Variants in LRRC49 observed in about 807,000 individuals in gnomAD.
LRRC49 encodes leucine-rich repeat-containing protein 49.
In LRRC49, 50 loss-of-function variants were observed where a neutral mutation model predicts 83.3. That is an observed-to-expected ratio of 0.60 (90% CI 0.48 to 0.76). LRRC49 has a LOEUF of 0.76. Among genes scored for constraint, LRRC49 ranks in the 30% least tolerant of loss-of-function variants. The probability of loss-of-function intolerance (pLI) is 0.00; values close to 1 mark genes in which losing one functional copy is unlikely to be tolerated. For synonymous variants in LRRC49, 286 were observed against 283.3 expected, an observed-to-expected ratio of 1.01 and a Z score of -0.10; for missense variants, 704 against 809.1, an observed-to-expected ratio of 0.87 and a Z score of 1.58.
At chr15:70,900,410 A>G (rs1464741477) in intron 3 of LRRC49, 8 of 454,212 alleles carry the variant, frequency 1.8e-5, no homozygotes, top group South Asian at 1.3e-4. Flanking sequence ...ATCCAAAACT[A>G]CTTTTTGTGT....
chr15:70,891,989 G>A (rs533923378), upstream of LRRC49: 13 of 1,613,078 alleles, frequency 8.1e-6, no homozygotes, highest in Non-Finnish European at 1.0e-5. Flanking sequence ...CTTAGGTGCC[G>A]GGGCGGGCAC....
At chr15:70,891,682 A>T (rs1040174691), upstream of LRRC49, among the ~76,000 whole-genome samples, 1 of 151,754 alleles carries the variant, frequency 6.6e-6, no homozygotes, top group Non-Finnish European at 1.5e-5. Context: ...AGTGTTAATG[A>T]TAAGTGGGAC....
At chr15:70,901,085 G>C in intron 4 of LRRC49, 61 bp downstream of exon 4, 2 of 915,572 alleles carry the variant, frequency 2.2e-6, no homozygotes, top group Non-Finnish European at 3.4e-6. Flanking sequence ...CGTGGTACAA[G>C]ACTTGAAAGA....
chr15:70,988,839 C>CA (rs1466177706), intron 11 of LRRC49, among the ~76,000 whole-genome samples: 1 of 152,032 alleles, frequency 6.6e-6, no homozygotes, highest in Non-Finnish European at 1.5e-5. Flanking sequence ...CTGGTGGTGA[C>CA]AAAATCTCTC....
chr15:70,904,503 G>GACT (rs747983321), intron 4 of LRRC49, 49 bp from the exon 5 acceptor site: 1 of 1,221,740 alleles, frequency 8.2e-7, no homozygotes, highest in South Asian at 1.3e-5. Flanking sequence ...TGTAAGAAGA[G>GACT]GTAAGTGGCT....
chr15:71,039,093 T>C (rs1364804624), intron 15 of LRRC49, among the ~76,000 whole-genome samples: 1 of 152,046 alleles, frequency 6.6e-6, no homozygotes, highest in African/African-American at 2.4e-5. Flanking sequence ...AGATAAAATA[T>C]AGCTATATTA....
chr15:70,928,067 C>T (rs921004826), intron 7 of LRRC49, among the ~76,000 whole-genome samples: 3 of 152,158 alleles, frequency 2.0e-5, no homozygotes, highest in South Asian at 2.1e-4. Context: ...TTGCTTTCCC[C>T]ACTGAATTAA....
intron 15 of LRRC49, among the ~76,000 whole-genome samples, chr15:71,045,068 G>GT (rs1241358106): frequency 6.6e-6 from 1 of 151,060 alleles, no homozygotes; most frequent in Non-Finnish European, 1.5e-5. Context: ...TTTTTTTTGT[G>GT]TTTTTTTAGT....
intron 8 of LRRC49, among the ~76,000 whole-genome samples, chr15:70,956,501 CAAAA>C (rs777121049): frequency 3.6e-5 from 3 of 83,358 alleles, no homozygotes; most frequent in Non-Finnish European, 7.6e-5. Context: ...AACCCTCTGC[CAAAA>C]AAAAAAAAAA....
chr15:71,012,314 G>A (rs2038680294), intron 13 of LRRC49, among the ~76,000 whole-genome samples: 2 of 151,960 alleles, frequency 1.3e-5, no homozygotes, highest in African/African-American at 4.8e-5. Flanking sequence ...GAATGAACAG[G>A]AGCATCCTTG....
At chr15:71,005,690 TG>T (rs2038432276) in intron 11 of LRRC49, among the ~76,000 whole-genome samples, 1 of 152,162 alleles carries the variant, frequency 6.6e-6, no homozygotes, top group African/African-American at 2.4e-5. Context: ...TCAATACAGA[TG>T]ATTTAGTGGC....
chr15:70,853,969 A>C, intron 1 of LRRC49: 2 of 1,458,224 alleles, frequency 1.4e-6, no homozygotes, highest in Non-Finnish European at 1.8e-6. Flanking sequence ...CGGCGCCCCG[A>C]GTCTCCGCCC....
rs1302585053 is a variant in LRRC49, at chr15:70,984,127, C to T, written c.1039C>T (p.Arg347Ter). The T allele has an allele frequency of 4.4e-6, 7 of 1,600,686 alleles. No individual in the cohort carries two copies. The highest frequency in any genetic ancestry group is 1.4e-5 in the African/African-American group (1 of 73,290). Residue 347 changes from arginine to a stop codon, truncating the protein, a stop_gained, in exon 11 of 16, where the codon CGA becomes TGA. Transcript: ENST00000260382. LOFTEE classifies it high-confidence loss of function. ...AAGGTTAACAATTAACAACGTAGCT[C>T]GACAGTGGGACTTGCAACAACAACG... Reference protein sequence around the residue: ...KKRLTINNVARQWDLQQQRVA... With the variant: ...KKRLTINNVA
Position 70,985,348 on chromosome 15 carries a change from T to A in LRRC49, c.1169+1091T>A, listed in dbSNP as rs575163547. ...TAACTGGTGTGAGATGGTATCTCAT[T>A]GTGGTTTTGATTTGCATTTCTCTGA... On this transcript the variant is annotated intron_variant, in intron 11 of 15. Coordinates refer to ENST00000260382, the MANE Select transcript of LRRC49 (RefSeq NM_017691.5). 2.9e-4 allele frequency among the ~76,000 whole-genome samples: 44 copies of A among 152,042 alleles called. No homozygotes were observed. The South Asian group carries it at 6.0e-3, about 21-fold the overall frequency.
In LRRC49 at chr15:70,985,527, T is replaced by C. The variant is rs560168078; in HGVS notation, c.1169+1270T>C. On this transcript the variant is annotated intron_variant, in intron 11 of 15. Coordinates refer to ENST00000260382, the MANE Select transcript of LRRC49 (RefSeq NM_017691.5). ...TGAGTTCATTGTCGATTCTGGATAT[T>C]AGCCCTTTGTCACATGAGTAGGTTG... 5.3e-5 allele frequency among the ~76,000 whole-genome samples: 8 copies of C among 152,342 alleles called. 1 individual carries two copies. The South Asian group carries it at 1.7e-3, about 32-fold the overall frequency.
intron 11 of LRRC49, among the ~76,000 whole-genome samples, chr15:70,988,566 C>T (rs76225332): frequency 0.79 from 117,321 of 147,952 alleles, 46,984 homozygotes; most frequent in Admixed American, 0.85. Flanking sequence ...ATACAGCACA[C>T]TGATGGGTCT....
intron 7 of LRRC49, among the ~76,000 whole-genome samples, chr15:70,922,517 C>T (rs551854041): frequency 2.0e-5 from 3 of 151,992 alleles, no homozygotes; most frequent in South Asian, 2.1e-4. Flanking sequence ...GGATGGTTAT[C>T]AGAGGCTGAG....
chr15:70,921,232 CA>C (rs1276064851), intron 7 of LRRC49, among the ~76,000 whole-genome samples: 3 of 152,292 alleles, frequency 2.0e-5, no homozygotes, highest in East Asian at 3.9e-4. Context: ...ACTTTACTTT[CA>C]GGGGTAGAAA....
rs762644094 is a variant in LRRC49 at position 71,049,688 on chromosome 15, A to AAAC, written c.*87_*89dup. The AAAC allele has an allele frequency of 1.1e-6, 1 of 884,338 alleles. No individual in the cohort carries two copies. Among genetic ancestry groups the AAAC allele is most frequent in the East Asian group, 2.4e-5 (1 of 40,962 alleles). 54.8% of individuals were successfully genotyped at this position (884,338 alleles called of 1,614,324 possible). ...GAAAATATGCAGGTTATACATGTTA[A>AAAC]AACAACAACAACACTATCCTATAAA... On this transcript the variant is annotated 3_prime_UTR_variant, in exon 16 of 16. Coordinates refer to ENST00000260382, the MANE Select transcript of LRRC49 (RefSeq NM_017691.5).
Sources: allele counts gnomAD v4.1 joint callset (sites outside exome capture counted in the v4.1 genomes callset), GRCh38; gene constraint gnomAD v4.1.1; transcripts MANE v1.5; gene names NCBI Gene and HGNC (gene_info 2026-07-23, HGNC 2026-07-21).